Variants in GPR65 observed in about 807,000 individuals in gnomAD.
GPR65 encodes T-cell death-associated gene 8 protein.
A neutral mutation model predicts 0.7 loss-of-function variants in GPR65; 2 were observed. The observed-to-expected ratio is 2.83, with a 90% CI of 1.16 to 8.92. The LOEUF is 8.92. Ranked by LOEUF, GPR65 falls within the 30% of genes most tolerant of loss-of-function variation. The pLI is 0.04. For synonymous variants in GPR65, 128 were observed against 146.5 expected (o/e 0.87, Z 0.91); for missense variants, 379 against 399.4 (o/e 0.95, Z 0.43).
chr14:88,011,116 G>A lies in GPR65; in HGVS notation c.269G>A (p.Ser90Asn). ...WTFSPALCKG[S>N]AFLMYMNFYS... is the part of the protein sequence containing the mutation. ...TTCTCTCCTGCCTTGTGCAAAGGGA[G>A]TGCTTTTCTCATGTACATGAATTTT... Residue 90 changes from serine (S) to asparagine (N), a missense_variant, in exon 2 of 2, where the codon AGT (serine) becomes AAT (asparagine). Physicochemically the swap from Ser to Asn is conservative, Grantham distance 46 (BLOSUM62 1). Coordinates refer to ENST00000267549, the MANE Select transcript of GPR65 (RefSeq NM_003608.4). 6.2e-7 allele frequency: 1 copy of A among 1,614,032 alleles called. No individual in the cohort carries two copies. Among genetic ancestry groups the A allele is most frequent in the Middle Eastern group, 1.7e-4 (1 of 6,058 alleles).
intron 1 of GPR65, among the ~76,000 whole-genome samples, chr14:88,007,224 A>T (rs1051816769): frequency 1.3e-5 from 2 of 152,104 alleles, no homozygotes; most frequent in East Asian, 3.9e-4. Flanking sequence ...TCTAAGCTTC[A>T]TAAATCTGCA....
Position 88,008,097 on chromosome 14 carries a change from T to C in GPR65, c.-459-2292T>C, listed in dbSNP as rs544381921. Among the ~76,000 whole-genome samples, 40 of 152,304 alleles carry C rather than the reference T, an allele frequency of 2.6e-4. No homozygotes were observed. In the South Asian group the frequency reaches 6.6e-3, roughly 25 times the overall value. On this transcript the variant is annotated intron_variant, in intron 1 of 1. Transcript: ENST00000267549. ...ATGTTCCATCTGTGGGTAAAACAGATGTTTGTTTGTCAAGATGCTCTACAT... is the reference window on the plus strand; with the variant it reads ...ATGTTCCATCTGTGGGTAAAACAGACGTTTGTTTGTCAAGATGCTCTACAT...
At chr14:88,005,709 T>C (rs1455785737) in intron 1 of GPR65, among the ~76,000 whole-genome samples, 2 of 152,190 alleles carry the variant, frequency 1.3e-5, no homozygotes, top group Non-Finnish European at 2.9e-5. Context: ...GTGCCTGAAA[T>C]ATATAGTAGA....
chr14:88,010,591 T>C lies in GPR65; in HGVS notation c.-257T>C. On this transcript the variant is annotated 5_prime_UTR_variant, in exon 2 of 2. The change abolishes the stop of an existing upstream ORF in the 5' untranslated region. Transcript: ENST00000267549. ...AATGAACACATGGACTTCTGTTTAT[T>C]AAATTCAGTTGACCCCTTTAGCCAA... The C allele has an allele frequency of 2.5e-6, 1 of 405,122 alleles. No homozygotes were observed. The allele number at this position is 405,122 out of a possible 1,614,324, so 25.1% of individuals were successfully genotyped here.
At chr14:88,006,453 T>G (rs1015348332) in intron 1 of GPR65, among the ~76,000 whole-genome samples, 4 of 152,204 alleles carry the variant, frequency 2.6e-5, no homozygotes, top group African/African-American at 9.7e-5. Flanking sequence ...ACCACAAGCC[T>G]GTACTGCCTC....
chr14:88,011,460 A>G lies in GPR65; in HGVS notation c.613A>G (p.Lys205Glu). The G allele has an allele frequency of 1.2e-6, 2 of 1,614,148 alleles. No homozygotes were observed. The highest frequency in any genetic ancestry group is 1.7e-6 in the Non-Finnish European group (2 of 1,180,022). ...GGTCACCATCCTGATCTGCAACCGG[A>G]AAGTCTACCAAGCTGTGCGGCACAA... The part of the protein sequence containing the change: ...PLVTILICNR[K>E]VYQAVRHNKA... The change falls in exon 2 of 2, where the codon AAA becomes GAA. Residue 205 changes from lysine (K) to glutamate (E), a missense_variant. Coordinates refer to ENST00000267549, the MANE Select transcript of GPR65 (RefSeq NM_003608.4).
At position 88,013,992 on chromosome 14, in the gene GPR65, C is replaced by T. The variant is rs1887728666; in HGVS notation, c.*2131C>T. 1 of 152,176 alleles carries T rather than the reference C, an allele frequency of 6.6e-6. No individual in the cohort carries two copies. Among genetic ancestry groups the T allele is most frequent in the Admixed American group, 6.5e-5 (1 of 15,278 alleles). The allele number at this position is 152,176 out of a possible 1,614,324, so 9.4% of individuals were successfully genotyped here. On this transcript the variant is annotated 3_prime_UTR_variant, in exon 2 of 2. Coordinates refer to ENST00000267549, the MANE Select transcript of GPR65 (RefSeq NM_003608.4). The stretch of plus-strand genomic sequence containing the variant: ...AATAGTTCACCACTAGCCGCCACTC[C>T]AGAAGAGCGGAGGAACCCAGGATAA...
intron 1 of GPR65, among the ~76,000 whole-genome samples, chr14:88,009,400 T>G (rs1887641412): frequency 1.3e-5 from 2 of 152,186 alleles, no homozygotes; most frequent in African/African-American, 2.4e-5. Flanking sequence ...AGTTACCTGT[T>G]TAAGAGTGAA....
intron 1 of GPR65, among the ~76,000 whole-genome samples, chr14:88,007,666 T>G (rs1276771687): frequency 6.6e-6 from 1 of 150,522 alleles, no homozygotes; most frequent in South Asian, 2.1e-4. Context: ...TTTAAACATA[T>G]TAAACATATT....
chr14:88,010,486 AC>A lies in GPR65; in HGVS notation c.-361del, dbSNP rs557480654. ...TCTACTGTGAGATTTATGAAGAAAA[AC>A]AAATTGCGGACAACTCTCTATGTAC... On this transcript the variant is annotated 5_prime_UTR_variant, in exon 2 of 2. It introduces an in-frame stop codon into an upstream open reading frame of the 5' UTR. Transcript: ENST00000267549. 1.3e-3 allele frequency: 237 copies of A among 183,450 alleles called. 1 individual carries two copies. The highest frequency in any genetic ancestry group is 4.9e-3 in the African/African-American group (209 of 42,334). The allele number at this position is 183,450 out of a possible 1,614,324, so 11.4% of individuals were successfully genotyped here.
chr14:88,013,033 A>AT lies in GPR65; in HGVS notation c.*1173dup, dbSNP rs1250395336. 13 of 145,520 alleles carry AT rather than the reference A, an allele frequency of 8.9e-5. No homozygotes were observed. Among genetic ancestry groups the AT allele is most frequent in the Non-Finnish European group, 1.8e-4 (12 of 67,234 alleles). 9.0% of individuals were successfully genotyped at this position (145,520 alleles called of 1,614,324 possible). On this transcript the variant is annotated 3_prime_UTR_variant, in exon 2 of 2. Transcript: ENST00000267549. ...TTCTTTTTGGACTTAGAATGTTAGA[A>AT]TATTTTGAGAGTTCTTTTTTTTTTT...
At position 88,012,859 on chromosome 14, in the gene GPR65, G is replaced by A. The variant is rs182569618; in HGVS notation, c.*998G>A. On this transcript the variant is annotated 3_prime_UTR_variant, in exon 2 of 2. Coordinates refer to ENST00000267549, the MANE Select transcript of GPR65 (RefSeq NM_003608.4). ...AAGTTTACATTAGTTCAAAAGCCTA[G>A]TCACCGAGCTTGAAAGATTTCTATA... The A allele has an allele frequency of 6.6e-6, 1 of 152,242 alleles. No homozygotes were observed. Among genetic ancestry groups the A allele is most frequent in the East Asian group, 1.9e-4 (1 of 5,178 alleles). 9.4% of individuals were successfully genotyped at this position (152,242 alleles called of 1,614,324 possible). A position where few individuals can be genotyped will look rare whatever the true frequency, so the allele number is the denominator to read the frequency against.
chr14:88,010,622 A>T lies in GPR65; in HGVS notation c.-226A>T. The T allele has an allele frequency of 2.1e-6, 1 of 486,878 alleles. No individual in the cohort carries two copies. 30.2% of individuals were successfully genotyped at this position (486,878 alleles called of 1,614,324 possible). ...CAGTTGACCCCTTTAGCCAATTGCC[A>T]GGAGCCTGGATTTTTACTTCCAACT... On this transcript the variant is annotated 5_prime_UTR_variant, in exon 2 of 2. Coordinates refer to ENST00000267549, the MANE Select transcript of GPR65 (RefSeq NM_003608.4).
In GPR65 at chr14:88,011,985, C is replaced by G; in HGVS notation, c.*124C>G. On this transcript the variant is annotated 3_prime_UTR_variant, in exon 2 of 2. Coordinates refer to ENST00000267549, the MANE Select transcript of GPR65 (RefSeq NM_003608.4). ...AGTGTTCTCAGAGTGATGTTTTAAT[C>G]CAGTCCAATAAAAATATCTTAAAAC... 1.5e-6 allele frequency: 1 copy of G among 684,000 alleles called. No homozygotes were observed. 42.4% of individuals were successfully genotyped at this position (684,000 alleles called of 1,614,324 possible).
chr14:88,011,417 A>G lies in GPR65; in HGVS notation c.570A>G (p.Thr190=), dbSNP rs1384179020. ...QINLNLFRTC[T]GYAIPLVTIL... ...ACCTCAACTTGTTCAGGACGTGTACAGGCTATGCAATACCTTTGGTCACCA... is the reference window on the plus strand; with the variant it reads ...ACCTCAACTTGTTCAGGACGTGTACGGGCTATGCAATACCTTTGGTCACCA... Residue 190 remains threonine, a synonymous_variant, in exon 2 of 2, where the codon ACA becomes ACG. Transcript: ENST00000267549. The G allele has an allele frequency of 6.2e-6, 10 of 1,614,082 alleles. No individual in the cohort carries two copies. Among genetic ancestry groups the G allele is most frequent in the African/African-American group, 1.3e-5 (1 of 75,050 alleles).
At position 88,010,839 on chromosome 14, in the gene GPR65, A is replaced by C. The variant is rs1220096097; in HGVS notation, c.-9A>C. Reference sequence around the variant, plus strand: ...GAACTAATATAATTGCTACCTTAAAAAGGAAAAAATGAACAGCACATGTAT... The same window carrying C: ...GAACTAATATAATTGCTACCTTAAACAGGAAAAAATGAACAGCACATGTAT... On this transcript the variant is annotated 5_prime_UTR_variant, in exon 2 of 2. Transcript: ENST00000267549. 6.3e-7 allele frequency: 1 copy of C among 1,595,000 alleles called. No individual in the cohort carries two copies. Among genetic ancestry groups the C allele is most frequent in the Non-Finnish European group, 8.6e-7 (1 of 1,164,678 alleles).
At chr14:88,009,238 C>T (rs896589020) in intron 1 of GPR65, among the ~76,000 whole-genome samples, 3 of 152,160 alleles carry the variant, frequency 2.0e-5, no homozygotes, top group Admixed American at 6.6e-5. Flanking sequence ...AGCTCCGGCG[C>T]TCACTCACCT....
At position 88,011,307 on chromosome 14, in the gene GPR65, G is replaced by A; in HGVS notation, c.460G>A (p.Glu154Lys). 1 of 1,613,870 alleles carries A rather than the reference G, an allele frequency of 6.2e-7. No individual in the cohort carries two copies. Among genetic ancestry groups the A allele is most frequent in the Non-Finnish European group, 8.5e-7 (1 of 1,179,862 alleles). Reference protein sequence around the residue: ...IFNAVMLWEDETVVEYCDAEK... With the variant: ...IFNAVMLWEDKTVVEYCDAEK... ...CAATGCTGTCATGTTGTGGGAAGAT[G>A]AAACAGTTGTTGAATATTGCGATGC... Residue 154 changes from glutamate (E) to lysine (K), a missense_variant, in exon 2 of 2, where the codon GAA becomes AAA. Transcript: ENST00000267549.
rs1348387856 is a variant in GPR65 at position 88,011,038 on chromosome 14, C to T, written c.191C>T (p.Ala64Val). The change falls in exon 2 of 2, where the codon GCA becomes GTA. Residue 64 changes from alanine to valine, a missense_variant. Transcript: ENST00000267549. ...TTGTCACTATCAGATTTACTCTATGCATTAACTCTCCCTTTATGGATTGAT... is the reference window on the plus strand; with the variant it reads ...TTGTCACTATCAGATTTACTCTATGTATTAACTCTCCCTTTATGGATTGAT... ...FSLSLSDLLYALTLPLWIDYT... is the reference protein window; with the variant it reads ...FSLSLSDLLYVLTLPLWIDYT... The T allele has an allele frequency of 6.2e-7, 1 of 1,610,718 alleles. No individual in the cohort carries two copies. Among genetic ancestry groups the T allele is most frequent in the Non-Finnish European group, 8.5e-7 (1 of 1,176,928 alleles).
Sources: gnomAD v4.1 joint callset for allele counts (sites outside exome capture counted in the v4.1 genomes callset) on GRCh38, gnomAD v4.1.1 for gene constraint, MANE v1.5 for transcripts, NCBI Gene and HGNC (gene_info 2026-07-23, HGNC 2026-07-21) for gene names.